The following ESRRG variants were observed in gnomAD, a reference collection of about 807,000 sequenced individuals.
ESRRG encodes estrogen-related receptor gamma.
In ESRRG, 13 loss-of-function variants were observed where a neutral mutation model predicts 44.0. That is an observed-to-expected ratio of 0.30 (90% CI 0.19 to 0.47). The LOEUF (loss-of-function observed/expected upper bound fraction) is 0.47, where lower values mean the gene tolerates loss of function less well. Among genes scored for constraint, ESRRG ranks in the 20% least tolerant of loss-of-function variants. The pLI is 1.00. For synonymous variants in ESRRG, 215 were observed against 214.6 expected (o/e 1.00, Z -0.02); for missense variants, 395 against 580.6 (o/e 0.68, Z 3.29).
intron 2 of ESRRG, among the ~76,000 whole-genome samples, chr1:216,676,345 T>C (rs1431926413): frequency 6.6e-6 from 1 of 152,220 alleles, no homozygotes; most frequent in African/African-American, 2.4e-5. Context: ...ATATCACTTA[T>C]ATATGTTGGA....
intron 1 of ESRRG, among the ~76,000 whole-genome samples, chr1:217,063,111 A>T (rs1241640763): frequency 6.6e-6 from 1 of 151,992 alleles, no homozygotes; most frequent in Non-Finnish European, 1.5e-5. Flanking sequence ...TCCCTATTTA[A>T]TGGGTTCTAG....
intron 2 of ESRRG, among the ~76,000 whole-genome samples, chr1:216,836,765 C>A (rs11117690): frequency 0.034 from 5,114 of 152,236 alleles, 302 homozygotes; most frequent in African/African-American, 0.11. Context: ...AATTTAAAAT[C>A]CTTGTGCAGC....
At chr1:216,827,128 A>G (rs1284312680) in intron 2 of ESRRG, among the ~76,000 whole-genome samples, 1 of 152,218 alleles carries the variant, frequency 6.6e-6, no homozygotes, top group Non-Finnish European at 1.5e-5. Flanking sequence ...TCTGTATGTA[A>G]TGGAATAATG....
At chr1:216,765,845 C>T (rs1390247216) in intron 2 of ESRRG, among the ~76,000 whole-genome samples, 1 of 152,070 alleles carries the variant, frequency 6.6e-6, no homozygotes, top group Non-Finnish European at 1.5e-5. Flanking sequence ...AGCTAATCCC[C>T]GGACTTTAGC....
At chr1:217,104,635 C>T (rs1269878279) in intron 1 of ESRRG, among the ~76,000 whole-genome samples, 1 of 151,942 alleles carries the variant, frequency 6.6e-6, no homozygotes, top group Non-Finnish European at 1.5e-5. Context: ...TTGACTGGTC[C>T]CCAAGCAAGG....
At chr1:216,707,235 T>C in intron 1 of ESRRG, 1 of 1,015,410 alleles carries the variant, frequency 9.8e-7, no homozygotes, top group East Asian at 2.8e-5. Flanking sequence ...TTTAAAAGCA[T>C]TTTTTTTTCT....
chr1:217,058,818 G>A lies in ESRRG; in HGVS notation c.-106+30689C>T, dbSNP rs546178107. On this transcript the variant is annotated intron_variant, in intron 1 of 7. Transcript: ENST00000359162. Reference sequence around the variant, plus strand: ...ATGCAGAAGAGGCTAAATAAAACTCGGTAAATTTGAATTGGAGTACTAATA... The same window carrying A: ...ATGCAGAAGAGGCTAAATAAAACTCAGTAAATTTGAATTGGAGTACTAATA... Among the ~76,000 whole-genome samples, 84 of 150,516 alleles carry A rather than the reference G, an allele frequency of 5.6e-4. 1 individual carries two copies. The highest frequency in any genetic ancestry group is 2.0e-3 in the African/African-American group (82 of 41,080).
At chr1:216,643,779 C>G (rs570750551) in intron 3 of ESRRG, among the ~76,000 whole-genome samples, 1 of 152,174 alleles carries the variant, frequency 6.6e-6, no homozygotes, top group African/African-American at 2.4e-5. Flanking sequence ...GGAAAAGTCA[C>G]CTCCTAAATT....
chr1:216,919,019 T>C (rs937932743), intron 2 of ESRRG, among the ~76,000 whole-genome samples: 1 of 152,000 alleles, frequency 6.6e-6, no homozygotes, highest in African/African-American at 2.4e-5. Flanking sequence ...TTAATGATAA[T>C]ACTTAATATC....
At chr1:216,952,158 C>T (rs2067077747) in intron 1 of ESRRG, among the ~76,000 whole-genome samples, 1 of 152,116 alleles carries the variant, frequency 6.6e-6, no homozygotes, top group Non-Finnish European at 1.5e-5. Context: ...TTATATACCA[C>T]AACCCGAAAA....
At chr1:217,101,706 G>A (rs1170083536) in intron 1 of ESRRG, among the ~76,000 whole-genome samples, 1 of 152,034 alleles carries the variant, frequency 6.6e-6, no homozygotes, top group Non-Finnish European at 1.5e-5. Flanking sequence ...TATTCATTTA[G>A]TTTATAAAGT....
intron 1 of ESRRG, among the ~76,000 whole-genome samples, chr1:216,681,004 T>C (rs1327306123): frequency 6.6e-6 from 1 of 152,214 alleles, no homozygotes; most frequent in Non-Finnish European, 1.5e-5. Flanking sequence ...CAATTCCACA[T>C]TGTGCTGTTA....
At chr1:216,695,497 AT>A (rs2079965353) in intron 1 of ESRRG, among the ~76,000 whole-genome samples, 3 of 152,330 alleles carry the variant, frequency 2.0e-5, no homozygotes, top group African/African-American at 7.2e-5. Flanking sequence ...TTATCTCAAA[AT>A]AAAAAGTTTT....
At chr1:217,049,169 A>T (rs1204668943) in intron 1 of ESRRG, among the ~76,000 whole-genome samples, 1 of 152,146 alleles carries the variant, frequency 6.6e-6, no homozygotes, top group Non-Finnish European at 1.5e-5. Context: ...TCAGGTTGGA[A>T]CTCAGCTATT....
intron 2 of ESRRG, among the ~76,000 whole-genome samples, chr1:216,764,643 G>C (rs2092983389): frequency 2.0e-5 from 3 of 152,062 alleles, no homozygotes; most frequent in Admixed American, 6.6e-5. Flanking sequence ...GACTATAGGT[G>C]TGTGCTGCCT....
chr1:216,787,599 CA>C (rs34433548), intron 2 of ESRRG, among the ~76,000 whole-genome samples: 15,519 of 76,358 alleles, frequency 0.2, 751 homozygotes, highest in East Asian at 0.26. Context: ...AAGACTCCAT[CA>C]AAAAAAAAAA....
chr1:216,861,764 C>A (rs2096058965), intron 2 of ESRRG, among the ~76,000 whole-genome samples: 1 of 151,974 alleles, frequency 6.6e-6, no homozygotes, highest in African/African-American at 2.4e-5. Flanking sequence ...GACAAGCCAA[C>A]ACTAGCAGAA....
chr1:216,916,229 G>T (rs1192846917), intron 2 of ESRRG, among the ~76,000 whole-genome samples: 1 of 152,154 alleles, frequency 6.6e-6, no homozygotes, highest in Non-Finnish European at 1.5e-5. Flanking sequence ...CATTTCAAGT[G>T]CTCCCCTGTG....
At chr1:216,549,920 C>G (rs1040532245) in intron 5 of ESRRG, among the ~76,000 whole-genome samples, 1 of 152,066 alleles carries the variant, frequency 6.6e-6, no homozygotes, top group Non-Finnish European at 1.5e-5. Context: ...GGAGCTGGCA[C>G]TGCCAGCAGT....
Sources: allele counts gnomAD v4.1 joint callset (sites outside exome capture counted in the v4.1 genomes callset), GRCh38; gene constraint gnomAD v4.1.1; transcripts MANE v1.5; gene names NCBI Gene and HGNC (gene_info 2026-07-23, HGNC 2026-07-21).